The following ZNF644 variants were observed in gnomAD, a reference collection of about 807,000 sequenced individuals.
The protein encoded by ZNF644 is zinc finger protein 644.
In ZNF644, 20 loss-of-function variants were observed where a neutral mutation model predicts 108.0. That is an observed-to-expected ratio of 0.19 (90% CI 0.13 to 0.27). ZNF644 has a LOEUF of 0.27. Ranked by LOEUF, ZNF644 falls within the 10% of genes least tolerant of loss-of-function variation. The probability of loss-of-function intolerance (pLI) is 1.00; values close to 1 mark genes in which losing one functional copy is unlikely to be tolerated. For synonymous variants in ZNF644, 542 were observed against 539.1 expected, an observed-to-expected ratio of 1.01 and a Z score of -0.08; for missense variants, 1,338 against 1,548.9, an observed-to-expected ratio of 0.86 and a Z score of 2.29.
chr1:90,976,610 T>C (rs1268210143), intron 2 of ZNF644, among the ~76,000 whole-genome samples: 4 of 152,242 alleles, frequency 2.6e-5, no homozygotes, highest in Non-Finnish European at 4.4e-5. Context: ...TAGAAACTTT[T>C]ATACTAAAGA....
chr1:91,013,700 T>G (rs1660180336), intron 1 of ZNF644, among the ~76,000 whole-genome samples: 1 of 152,226 alleles, frequency 6.6e-6, no homozygotes, highest in Non-Finnish European at 1.5e-5. Context: ...ACTTACTATC[T>G]GTAATTGCAC....
rs77001468 is a variant in ZNF644 at position 90,949,399 on chromosome 1, A to G, written c.45-8090T>C. The stretch of plus-strand genomic sequence containing the variant: ...AGAAAAAATCCAATTATCATCTAAG[A>G]AAAATATTTCAAGATAATCACTATT... On this transcript the variant is annotated intron_variant, in intron 2 of 5. Transcript: ENST00000337393. 1.5e-3 allele frequency among the ~76,000 whole-genome samples: 223 copies of G among 152,268 alleles called. 2 individuals carry two copies. The highest frequency in any genetic ancestry group is 5.3e-3 in the African/African-American group (219 of 41,590).
chr1:90,927,022 A>G (rs1462794338), intron 4 of ZNF644, among the ~76,000 whole-genome samples: 2 of 152,096 alleles, frequency 1.3e-5, no homozygotes, highest in East Asian at 1.9e-4. Context: ...AGTATTTCCT[A>G]TAAACTTCCC....
intron 1 of ZNF644, among the ~76,000 whole-genome samples, chr1:91,014,839 T>C (rs1241576590): frequency 6.6e-6 from 1 of 152,132 alleles, no homozygotes; most frequent in Non-Finnish European, 1.5e-5. Flanking sequence ...AAAGGATATA[T>C]ATGTAAGAAG....
chr1:90,962,698 C>A (rs556168332), intron 2 of ZNF644, among the ~76,000 whole-genome samples: 68 of 152,150 alleles, frequency 4.5e-4, no homozygotes, highest in African/African-American at 1.1e-3. Context: ...GGATATTTAG[C>A]AGCACCACTA....
rs547348562 is a variant in ZNF644 at position 90,959,928 on chromosome 1, A to G, written c.45-18619T>C. 3.3e-5 allele frequency among the ~76,000 whole-genome samples: 5 copies of G among 152,242 alleles called. No individual in the cohort carries two copies. In the South Asian group the frequency reaches 1.0e-3, roughly 32 times the overall value. Reference sequence around the variant, plus strand: ...AGAAATAAGCAAGTTACAGGTTTTAAATTGCTATTCTACGGAGCTTGATGA... The same window carrying G: ...AGAAATAAGCAAGTTACAGGTTTTAGATTGCTATTCTACGGAGCTTGATGA... On this transcript the variant is annotated intron_variant, in intron 2 of 5. Transcript: ENST00000337393.
intron 2 of ZNF644, among the ~76,000 whole-genome samples, chr1:90,967,644 T>C (rs548807752): frequency 9.2e-5 from 14 of 152,270 alleles, no homozygotes; most frequent in African/African-American, 3.4e-4. Flanking sequence ...CAGTCAATTA[T>C]AGGAATTAAA....
chr1:90,926,153 T>TA (rs1650008471), intron 4 of ZNF644, among the ~76,000 whole-genome samples: 1 of 152,196 alleles, frequency 6.6e-6, no homozygotes, highest in Non-Finnish European at 1.5e-5. Flanking sequence ...TCCTTACTGA[T>TA]AAGAGATCAC....
intron 4 of ZNF644, among the ~76,000 whole-genome samples, chr1:90,927,338 T>C (rs961925470): frequency 4.6e-5 from 7 of 152,198 alleles, no homozygotes; most frequent in African/African-American, 7.2e-5. Context: ...AAAGTGCTTG[T>C]TGAATTAGTG....
chr1:90,929,460 T>C (rs1650463103), intron 4 of ZNF644, among the ~76,000 whole-genome samples: 1 of 152,200 alleles, frequency 6.6e-6, no homozygotes, highest in South Asian at 2.1e-4. Flanking sequence ...TCATTTGGAG[T>C]TTAATCTTAA....
chr1:90,928,083 T>C (rs541282926), intron 4 of ZNF644, among the ~76,000 whole-genome samples: 1 of 151,870 alleles, frequency 6.6e-6, no homozygotes, highest in East Asian at 2.0e-4. Flanking sequence ...TGACCTCAGG[T>C]GATCCGCCTG....
chr1:91,000,740 C>A (rs542843050), intron 1 of ZNF644, among the ~76,000 whole-genome samples: 4 of 152,198 alleles, frequency 2.6e-5, no homozygotes, highest in Admixed American at 6.5e-5. Flanking sequence ...ATCAATGAAT[C>A]CAGGAGCTGG....
intron 4 of ZNF644, 74 bp downstream of exon 4, chr1:90,937,411 A>C: frequency 6.3e-7 from 1 of 1,598,846 alleles, no homozygotes; most frequent in Non-Finnish European, 8.6e-7. Context: ...TATTTTCCAC[A>C]TAGATTCCAT....
intron 1 of ZNF644, among the ~76,000 whole-genome samples, chr1:90,987,914 T>C (rs1381137913): frequency 1.3e-5 from 2 of 151,958 alleles, no homozygotes; most frequent in Non-Finnish European, 2.9e-5. Flanking sequence ...AAGTTTAACA[T>C]AATAAAAGCC....
chr1:90,943,931 C>G (rs115912859), intron 2 of ZNF644, among the ~76,000 whole-genome samples: 1 of 152,154 alleles, frequency 6.6e-6, no homozygotes, highest in South Asian at 2.1e-4. Flanking sequence ...AAATCTGAAA[C>G]GAACGACAAA....
intron 1 of ZNF644, among the ~76,000 whole-genome samples, chr1:91,020,230 A>C (rs912370524): frequency 6.6e-6 from 1 of 152,186 alleles, no homozygotes; most frequent in Non-Finnish European, 1.5e-5. Flanking sequence ...AAAAAAAGAG[A>C]AAATATATAT....
chr1:90,918,980 T>TA (rs913319049), intron 4 of ZNF644, among the ~76,000 whole-genome samples: 22 of 147,798 alleles, frequency 1.5e-4, no homozygotes, highest in Admixed American at 2.7e-4. Flanking sequence ...TTTGAAAAGG[T>TA]AAAAAAAAAA....
rs1651954680 is a variant in ZNF644 at position 90,941,284 on chromosome 1, T to C, written c.70A>G (p.Asn24Asp). ...SRLNVLNGLA[N>D]NMDDLKINTD... ...TTTATCTTCAAATCATCCATATTGT[T>C]GGCAAGCCCATTTAACACATTTAGT... The change falls in exon 3 of 6, where the codon AAC (asparagine) becomes GAC (aspartate). Residue 24 changes from asparagine (N) to aspartate (D), a missense_variant. Asn to Asp is a conservative substitution (Grantham distance 23). Coordinates refer to ENST00000337393, the MANE Select transcript of ZNF644 (RefSeq NM_201269.3). 1 of 1,598,708 alleles carries C rather than the reference T, an allele frequency of 6.3e-7. No homozygotes were observed. Among genetic ancestry groups the C allele is most frequent in the African/African-American group, 1.4e-5 (1 of 73,636 alleles).
intron 2 of ZNF644, among the ~76,000 whole-genome samples, chr1:90,963,581 C>T (rs1340397516): frequency 6.6e-6 from 1 of 152,120 alleles, no homozygotes; most frequent in Admixed American, 6.6e-5. Flanking sequence ...AGTAACATGA[C>T]AAATTGTGAT....
Sources: gnomAD v4.1 joint callset for allele counts (sites outside exome capture counted in the v4.1 genomes callset) on GRCh38, gnomAD v4.1.1 for gene constraint, MANE v1.5 for transcripts, NCBI Gene and HGNC (gene_info 2026-07-23, HGNC 2026-07-21) for gene names.